Variants in TRIO observed in about 807,000 individuals in gnomAD.
TRIO encodes triple functional domain protein.
TRIO carries 58 observed loss-of-function variants against 351.9 expected under a neutral mutation model. The observed-to-expected ratio is 0.16, with a 90% CI of 0.13 to 0.21. The LOEUF (loss-of-function observed/expected upper bound fraction) is 0.21, where lower values mean the gene tolerates loss of function less well. TRIO is among the 10% of genes least tolerant of loss of function. The pLI is 1.00. For missense variants in TRIO, 3,201 were observed against 4,027.8 expected, an observed-to-expected ratio of 0.79 and a Z score of 5.56; for synonymous variants, 1,758 against 1,595.7, an observed-to-expected ratio of 1.10 and a Z score of -2.42.
At chr5:14,221,050 T>G (rs1255303258) in intron 1 of TRIO, among the ~76,000 whole-genome samples, 1 of 152,212 alleles carries the variant, frequency 6.6e-6, no homozygotes, top group Admixed American at 6.5e-5. Context: ...CTGGGGACTT[T>G]GTTGAAGCCA....
chr5:14,439,366 T>C (rs1751844189), intron 34 of TRIO, among the ~76,000 whole-genome samples: 2 of 152,218 alleles, frequency 1.3e-5, no homozygotes, highest in African/African-American at 4.8e-5. Context: ...CATACATCTT[T>C]AGCCAAAATT....
intron 1 of TRIO, among the ~76,000 whole-genome samples, chr5:14,172,398 G>T (rs1464093565): frequency 6.6e-6 from 1 of 152,158 alleles, no homozygotes; most frequent in Non-Finnish European, 1.5e-5. Flanking sequence ...GTAGTGACAG[G>T]CAGACTCATC....
intron 48 of TRIO, chr5:14,489,224 A>G (rs529857025): frequency 1.8e-6 from 1 of 541,942 alleles, no homozygotes; most frequent in African/African-American, 1.9e-5. Flanking sequence ...TTAATGCCTT[A>G]ATTGGTTTGA....
At chr5:14,505,375 T>C (rs888099052) in intron 55 of TRIO, among the ~76,000 whole-genome samples, 1 of 152,198 alleles carries the variant, frequency 6.6e-6, no homozygotes, top group Non-Finnish European at 1.5e-5. Context: ...CTTTGAAAAA[T>C]GTCGATTCCT....
At chr5:14,279,508 A>G (rs987175972) in intron 2 of TRIO, among the ~76,000 whole-genome samples, 3 of 152,234 alleles carry the variant, frequency 2.0e-5, no homozygotes, top group African/African-American at 7.2e-5. Context: ...GATCCACTTG[A>G]GAAGGCTAAA....
intron 1 of TRIO, among the ~76,000 whole-genome samples, chr5:14,252,684 A>G (rs1794812527): frequency 6.6e-6 from 1 of 152,234 alleles, no homozygotes; most frequent in African/African-American, 2.4e-5. Context: ...AAATGGGGTT[A>G]CTTGTATATA....
intron 36 of TRIO, 54 bp downstream of exon 36, chr5:14,462,979 C>T (rs141536924): frequency 2.3e-5 from 34 of 1,491,096 alleles, no homozygotes; most frequent in African/African-American, 1.3e-4. Flanking sequence ...GGGCAGGGCA[C>T]GCTCGGTAGC....
intron 11 of TRIO, among the ~76,000 whole-genome samples, chr5:14,352,956 C>G (rs1248750356): frequency 6.6e-6 from 1 of 151,986 alleles, no homozygotes; most frequent in Non-Finnish European, 1.5e-5. Flanking sequence ...GGCGCTTCCC[C>G]TAGAATTGAG....
At position 14,387,445 on chromosome 5, in the gene TRIO, A is replaced by G; in HGVS notation, c.3578A>G (p.Lys1193Arg). ...TCCTGTTGTTTTTTGCAGCAAACCA[A>G]AGAGAGAGTGAAGCTATTGATACAG... ...EEFQITAKQT[K>R]ERVKLLIQLA... Residue 1193 changes from lysine (K) to arginine (R), a missense_variant, in exon 22 of 57, where the codon AAA becomes AGA. This residue lies in a region of TRIO where 201 missense variants were observed against 266.5 expected (regional missense o/e 0.75). Coordinates refer to ENST00000344204, the MANE Select transcript of TRIO (RefSeq NM_007118.4). 1.2e-6 allele frequency: 2 copies of G among 1,606,708 alleles called. No homozygotes were observed. The highest frequency in any genetic ancestry group is 1.7e-6 in the Non-Finnish European group (2 of 1,175,872).
rs369688182 is a variant in TRIO, at chr5:14,330,941, G to A, written c.1854+41G>A. The A allele has an allele frequency of 4.9e-5, 79 of 1,607,432 alleles. 1 individual carries two copies. In the Middle Eastern group the frequency reaches 6.6e-4, roughly 13 times the overall value. On this transcript the variant is annotated intron_variant, in intron 10 of 56. Coordinates refer to ENST00000344204, the MANE Select transcript of TRIO (RefSeq NM_007118.4). ...CTATTATTTTATCCCATAAATACCC[G>A]TGTGGTTGATTTTGGATTACAGTTT... is the stretch of plus-strand genomic sequence containing the variant.
intron 1 of TRIO, among the ~76,000 whole-genome samples, chr5:14,157,473 G>C (rs983506775): frequency 2.1e-4 from 20 of 95,586 alleles, no homozygotes; most frequent in East Asian, 2.8e-4. Context: ...CTCTCTCCCT[G>C]TCTCCCTCTC....
intron 1 of TRIO, among the ~76,000 whole-genome samples, chr5:14,197,146 T>C (rs1344954356): frequency 6.6e-6 from 1 of 152,196 alleles, no homozygotes; most frequent in Admixed American, 6.5e-5. Flanking sequence ...AAAAATCTAC[T>C]TGGGCACGAC....
chr5:14,171,760 A>C (rs1274878262), intron 1 of TRIO, among the ~76,000 whole-genome samples: 2 of 151,626 alleles, frequency 1.3e-5, no homozygotes, highest in Non-Finnish European at 2.9e-5. Context: ...AAAGCAAGAA[A>C]GAGACGGCAG....
chr5:14,389,646 G>A (rs1345934747), intron 25 of TRIO, among the ~76,000 whole-genome samples: 1 of 152,158 alleles, frequency 6.6e-6, no homozygotes, highest in African/African-American at 2.4e-5. Context: ...TATTTTTATA[G>A]GAAGCTTAAT....
intron 34 of TRIO, among the ~76,000 whole-genome samples, chr5:14,426,406 G>A (rs1232826919): frequency 2.6e-5 from 4 of 152,206 alleles, no homozygotes; most frequent in Admixed American, 2.6e-4. Flanking sequence ...GCTCATGGAA[G>A]GGAGGAGAGA....
chr5:14,219,159 CTTAAG>C (rs1792426702), intron 1 of TRIO, among the ~76,000 whole-genome samples: 1 of 152,108 alleles, frequency 6.6e-6, no homozygotes, highest in Non-Finnish European at 1.5e-5. Flanking sequence ...GCATAAGAAA[CTTAAG>C]TTTAAGGCCA....
chr5:14,398,983 C>G lies in TRIO; in HGVS notation c.4527C>G (p.Leu1509=), dbSNP rs768579145. ...TLIRKGRERH[L]FLFEMSLVFS... ...TTCGAAAGGGTCGAGAACGGCATCT[C>G]TTCCTTTTTGAAATGTCCTTAGTAT... Residue 1509 remains leucine, a synonymous_variant, in exon 30 of 57, where the codon CTC becomes CTG. Coordinates refer to ENST00000344204, the MANE Select transcript of TRIO (RefSeq NM_007118.4). 1 of 1,614,130 alleles carries G rather than the reference C, an allele frequency of 6.2e-7. No individual in the cohort carries two copies. Among genetic ancestry groups the G allele is most frequent in the South Asian group, 1.1e-5 (1 of 91,080 alleles).
At chr5:14,434,816 T>G (rs1751456296) in intron 34 of TRIO, among the ~76,000 whole-genome samples, 1 of 152,250 alleles carries the variant, frequency 6.6e-6, no homozygotes, top group South Asian at 2.1e-4. Context: ...CTTAATAATT[T>G]CCCCCAATCT....
rs759738292 is a variant in TRIO, at chr5:14,488,268, C to T, written c.7632+8C>T. On this transcript the variant is annotated splice_region_variant and intron_variant, in intron 48 of 56. Transcript: ENST00000344204. ...TCCACCCAGAGCAACGGGGTAAGCG[C>T]GTCGGGGGGCCCGCGCCCTCCCGCC... 1.1e-5 allele frequency: 17 copies of T among 1,549,986 alleles called. No individual in the cohort carries two copies. Among genetic ancestry groups the T allele is most frequent in the Middle Eastern group, 1.7e-4 (1 of 5,982 alleles).
Sources: gnomAD v4.1 joint callset for allele counts (sites outside exome capture counted in the v4.1 genomes callset) on GRCh38, gnomAD v4.1.1 for gene constraint, gnomAD v4.1.1 regional missense constraint, MANE v1.5 for transcripts, NCBI Gene and HGNC (gene_info 2026-07-23, HGNC 2026-07-21) for gene names.